The following WDR11 variants were observed in gnomAD, a reference collection of about 807,000 sequenced individuals.
WDR11 encodes the protein WD repeat domain 11.
Under a neutral mutation model 151.2 loss-of-function variants are expected in WDR11, and 83 were observed. The ratio of observed to expected loss-of-function variants is 0.55; its 90% CI spans 0.46 to 0.66. The LOEUF (loss-of-function observed/expected upper bound fraction) is 0.66. WDR11 is among the 30% of genes least tolerant of loss of function. The probability of loss-of-function intolerance (pLI) is 0.00; values close to 1 mark genes in which losing one functional copy is unlikely to be tolerated. For synonymous variants in WDR11, 484 were observed against 533.1 expected (o/e 0.91, Z 1.27); for missense variants, 1,301 against 1,480.9 (o/e 0.88, Z 1.99).
intron 27 of WDR11, 40 bp downstream of exon 27, chr10:120,906,061 TG>T: frequency 6.2e-7 from 1 of 1,612,578 alleles, no homozygotes; most frequent in Non-Finnish European, 8.5e-7. Context: ...GGCCTGCCCG[TG>T]AGCAGTCACT....
chr10:120,856,730 AAT>A (rs551056998), intron 2 of WDR11, among the ~76,000 whole-genome samples: 5 of 151,390 alleles, frequency 3.3e-5, no homozygotes, highest in Admixed American at 1.3e-4. Context: ...TGATTATTAA[AAT>A]ATATATATAT....
At position 120,905,966 on chromosome 10, in the gene WDR11, C is replaced by T; in HGVS notation, c.3382C>T (p.Leu1128Phe). 1 of 1,614,118 alleles carries T rather than the reference C, an allele frequency of 6.2e-7. No individual in the cohort carries two copies. Among genetic ancestry groups the T allele is most frequent in the South Asian group, 1.1e-5 (1 of 91,072 alleles). ...SPQVNQKSKA[L>F]LVLLSLGCFF... ...ACAAGTCAATCAGAAATCAAAGGCTCTCCTGGTTCTCCTCTCTCTGGGCTG... is the reference window on the plus strand; with the variant it reads ...ACAAGTCAATCAGAAATCAAAGGCTTTCCTGGTTCTCCTCTCTCTGGGCTG... The change falls in exon 27 of 29, where the codon CTC (leucine) becomes TTC (phenylalanine). Residue 1128 changes from leucine to phenylalanine, a missense_variant. Coordinates refer to ENST00000263461, the MANE Select transcript of WDR11 (RefSeq NM_018117.12).
chr10:120,890,875 C>T lies in WDR11; in HGVS notation c.2503C>T (p.Gln835Ter), dbSNP rs1847409134. The change falls in exon 19 of 29, where the codon CAA (glutamine) becomes TAA (stop). Residue 835 changes from glutamine (Q) to a stop codon, truncating the protein, a stop_gained. Coordinates refer to ENST00000263461, the MANE Select transcript of WDR11 (RefSeq NM_018117.12). LOFTEE classifies it high-confidence loss of function. ...GTCTGCGTGCTTTAGAATGGATGAA[C>T]AAGAGTTAACCGGTATGGAATCCTA... is the stretch of plus-strand genomic sequence containing the variant. ...MKSACFRMDEQELTEPVWCPY... is the reference protein window; with the variant it reads ...MKSACFRMDE 6.2e-7 allele frequency: 1 copy of T among 1,614,114 alleles called. No individual in the cohort carries two copies. The highest frequency in any genetic ancestry group is 8.5e-7 in the Non-Finnish European group (1 of 1,180,018).
At chr10:120,868,976 A>G (rs905695146) in intron 9 of WDR11, among the ~76,000 whole-genome samples, 1 of 152,102 alleles carries the variant, frequency 6.6e-6, no homozygotes, top group Non-Finnish European at 1.5e-5. Flanking sequence ...CACCTTGTCT[A>G]CTCTTAATAT....
At chr10:120,861,083 T>G (rs1265121601) in intron 4 of WDR11, among the ~76,000 whole-genome samples, 1 of 152,086 alleles carries the variant, frequency 6.6e-6, no homozygotes, top group Non-Finnish European at 1.5e-5. Flanking sequence ...GGCATGCAAG[T>G]TGTATGAGAT....
At chr10:120,869,005 G>A (rs1177789904) in intron 9 of WDR11, among the ~76,000 whole-genome samples, 6 of 150,778 alleles carry the variant, frequency 4.0e-5, no homozygotes, top group African/African-American at 1.5e-4. Flanking sequence ...AAAGTGAAAA[G>A]AATTATAAAC....
intron 11 of WDR11, among the ~76,000 whole-genome samples, chr10:120,878,033 G>A (rs894805336): frequency 9.9e-5 from 15 of 152,120 alleles, no homozygotes; most frequent in Non-Finnish European, 2.2e-4. Flanking sequence ...GTCTTTGTCT[G>A]GTAGGCTGAA....
At chr10:120,876,188 C>G (rs1348001856) in intron 11 of WDR11, among the ~76,000 whole-genome samples, 1 of 151,962 alleles carries the variant, frequency 6.6e-6, no homozygotes, top group Non-Finnish European at 1.5e-5. Context: ...CCATGTTGGT[C>G]AGGCCGGTCT....
chr10:120,906,116 TAAAG>T (rs1181327777), intron 27 of WDR11, 95 bp downstream of exon 27: 10 of 1,605,816 alleles, frequency 6.2e-6, no homozygotes, highest in Non-Finnish European at 8.5e-6. Context: ...ACTCGATGTG[TAAAG>T]TGAAAGGAGA....
intron 4 of WDR11, among the ~76,000 whole-genome samples, chr10:120,861,767 A>G (rs1248297385): frequency 2.0e-5 from 3 of 150,446 alleles, no homozygotes; most frequent in African/African-American, 4.9e-5. Flanking sequence ...CATGTCTTCC[A>G]GTATTAGGCC....
chr10:120,874,176 G>GGTTTTTTTTTTTTT (rs777721880), intron 11 of WDR11, among the ~76,000 whole-genome samples: 1 of 83,494 alleles, frequency 1.2e-5, no homozygotes, highest in Non-Finnish European at 2.4e-5. Context: ...GGTTTTTGCA[G>GGTTTTTTTTTTTTT]TTTTTTTTTT....
At chr10:120,873,667 A>T (rs1846628462) in intron 10 of WDR11, among the ~76,000 whole-genome samples, 172 bp from the exon 11 acceptor site, 1 of 152,160 alleles carries the variant, frequency 6.6e-6, no homozygotes, top group Non-Finnish European at 1.5e-5. Flanking sequence ...TTTTATAAGG[A>T]AGTGGACCAG....
Position 120,858,748 on chromosome 10 carries a change from G to A in WDR11, c.304G>A (p.Ala102Thr). Residue 102 changes from alanine to threonine, a missense_variant, in exon 3 of 29, where the codon GCA becomes ACA. Transcript: ENST00000263461. ...NGKIIVWDVA[A>T]GVAQCEIQEH... ...GAAGATCATCGTCTGGGATGTAGCA[G>A]CAGGAGTAGCTCAGTGTGAGATCCA... The A allele has an allele frequency of 6.2e-7, 1 of 1,614,208 alleles. No homozygotes were observed. Among genetic ancestry groups the A allele is most frequent in the Non-Finnish European group, 8.5e-7 (1 of 1,180,032 alleles).
At chr10:120,860,054 G>C in intron 3 of WDR11, 55 bp from the exon 4 acceptor site, 8 of 1,604,690 alleles carry the variant, frequency 5.0e-6, no homozygotes, top group Non-Finnish European at 6.8e-6. Context: ...AGTTAGCCAA[G>C]GACTTTGGAG....
Position 120,858,813 on chromosome 10 carries a change from C to T in WDR11, c.352+17C>T. ...CTATCCAGGGTGAGGAAAGTCTGCTCAGCTAAGTGTGTATATTGATACACT... is the reference window on the plus strand; with the variant it reads ...CTATCCAGGGTGAGGAAAGTCTGCTTAGCTAAGTGTGTATATTGATACACT... On this transcript the variant is annotated intron_variant, in intron 3 of 28. Transcript: ENST00000263461. The T allele has an allele frequency of 6.2e-7, 1 of 1,614,062 alleles. No individual in the cohort carries two copies. The highest frequency in any genetic ancestry group is 8.5e-7 in the Non-Finnish European group (1 of 1,179,978).
At chr10:120,883,593 T>C (rs1215219330) in intron 13 of WDR11, among the ~76,000 whole-genome samples, 187 bp from the exon 14 acceptor site, 1 of 152,166 alleles carries the variant, frequency 6.6e-6, no homozygotes, top group Non-Finnish European at 1.5e-5. Flanking sequence ...GACTGTATGT[T>C]CTCTTACAGG....
At chr10:120,903,867 C>G (rs912745584) in intron 23 of WDR11, among the ~76,000 whole-genome samples, 180 bp from the exon 24 acceptor site, 1 of 152,154 alleles carries the variant, frequency 6.6e-6, no homozygotes, top group Non-Finnish European at 1.5e-5. Context: ...GTGATAATAT[C>G]TATCAACATT....
chr10:120,887,995 T>C (rs796079664), intron 16 of WDR11, among the ~76,000 whole-genome samples: 65 of 152,310 alleles, frequency 4.3e-4, no homozygotes, highest in African/African-American at 1.5e-3. Flanking sequence ...TTTTGTTTTG[T>C]TTCTTGACTA....
chr10:120,866,793 G>A, intron 8 of WDR11, 29 bp downstream of exon 8: 2 of 1,612,836 alleles, frequency 1.2e-6, no homozygotes, highest in Non-Finnish European at 1.7e-6. Flanking sequence ...TCATGGTTTT[G>A]TTTTTTGTTT....
Sources: gnomAD v4.1 joint callset for allele counts (sites outside exome capture counted in the v4.1 genomes callset) on GRCh38, gnomAD v4.1.1 for gene constraint, MANE v1.5 for transcripts, NCBI Gene and HGNC (gene_info 2026-07-23, HGNC 2026-07-21) for gene names.